The following ZNF69 variants were observed in gnomAD, a reference collection of about 807,000 sequenced individuals.
ZNF69 encodes the protein ZNF3.
In ZNF69, 47 loss-of-function variants were observed where a neutral mutation model predicts 50.9. That is an observed-to-expected ratio of 0.92 (90% CI 0.73 to 1.18). The LOEUF is 1.18. Among genes scored for constraint, ZNF69 ranks in the 50% most tolerant of loss-of-function variants. The probability of loss-of-function intolerance (pLI) is 0.00; values close to 1 mark genes in which losing one functional copy is unlikely to be tolerated. For missense variants in ZNF69, 717 were observed against 675.1 expected (o/e 1.06, Z -0.69); for synonymous variants, 216 against 223.1 (o/e 0.97, Z 0.29).
At chr19:11,899,894 G>A in intron 1 of ZNF69, among the ~76,000 whole-genome samples, 1 of 152,190 alleles carries the variant, frequency 6.6e-6, no homozygotes, top group East Asian at 1.9e-4. Context: ...ATTTGGAAGT[G>A]TCAGTGTTTT....
At chr19:11,949,937 A>G in the ZNF69 span, 2 of 1,614,030 alleles carry the variant, frequency 1.2e-6, no homozygotes, top group Non-Finnish European at 1.7e-6. Context: ...CTTCAGATGC[A>G]TGAAAGGACT....
the ZNF69 span, among the ~76,000 whole-genome samples, chr19:11,946,363 G>C: frequency 2.0e-5 from 3 of 152,032 alleles, no homozygotes; most frequent in Non-Finnish European, 2.9e-5. Flanking sequence ...AGGTAAGGAC[G>C]GGGGGCATTG....
intron 4 of ZNF69, chr19:11,913,393 CTTTT>C: frequency 2.0e-6 from 1 of 505,058 alleles, no homozygotes; most frequent in Non-Finnish European, 3.6e-6. Context: ...TTTTTCTTAT[CTTTT>C]TTTTTTTCCA....
intron 1 of ZNF69, among the ~76,000 whole-genome samples, chr19:11,892,791 C>T (rs1006615452): frequency 1.3e-5 from 2 of 152,146 alleles, no homozygotes; most frequent in Non-Finnish European, 2.9e-5. Flanking sequence ...GATTGCATTG[C>T]TTCAAGATAG....
chr19:11,911,528 A>G (rs1972457750), downstream of ZNF69, among the ~76,000 whole-genome samples: 1 of 152,200 alleles, frequency 6.6e-6, no homozygotes, highest in South Asian at 2.1e-4. Context: ...TTGTAGGGAC[A>G]TGGATGAAGC....
the ZNF69 span, chr19:11,947,649 A>G: frequency 7.5e-7 from 1 of 1,330,566 alleles, no homozygotes; most frequent in Non-Finnish European, 1.1e-6. Context: ...GAAGAGAAGT[A>G]AAACAAAGAA....
intron 3 of ZNF69, among the ~76,000 whole-genome samples, chr19:11,904,264 A>T (rs559797193): frequency 6.6e-6 from 1 of 152,288 alleles, no homozygotes; most frequent in African/African-American, 2.4e-5. Flanking sequence ...TGTGGTCTGT[A>T]GTCCCAGCTA....
chr19:11,908,539 C>T (rs867548147), downstream of ZNF69, among the ~76,000 whole-genome samples: 3 of 152,196 alleles, frequency 2.0e-5, no homozygotes, highest in Non-Finnish European at 4.4e-5. Context: ...CACTCAAATA[C>T]ATGGAAACTG....
At chr19:11,890,321 G>T (rs984377506) in intron 1 of ZNF69, among the ~76,000 whole-genome samples, 1 of 152,204 alleles carries the variant, frequency 6.6e-6, no homozygotes, top group Non-Finnish European at 1.5e-5. Flanking sequence ...TTTCCGCAGT[G>T]CACTGTGCCC....
chr19:11,967,336 C>G, the ZNF69 span, among the ~76,000 whole-genome samples: 1 of 151,950 alleles, frequency 6.6e-6, no homozygotes. Context: ...GACCCCATCT[C>G]AAAAAACAAA....
the ZNF69 span, chr19:11,949,750 G>T: frequency 6.2e-7 from 1 of 1,611,744 alleles, no homozygotes; most frequent in East Asian, 2.2e-5. Flanking sequence ...CTTCAGATCT[G>T]CCTCACACCT....
chr19:11,896,436 A>C (rs1046321844), intron 1 of ZNF69, among the ~76,000 whole-genome samples: 25 of 151,816 alleles, frequency 1.6e-4, no homozygotes, highest in East Asian at 7.7e-4. Context: ...ATAAACATTT[A>C]TTTCTGGCAG....
At chr19:11,888,224 G>C (rs568440950) in intron 1 of ZNF69, among the ~76,000 whole-genome samples, 2 of 152,330 alleles carry the variant, frequency 1.3e-5, no homozygotes, top group South Asian at 4.1e-4. Flanking sequence ...GCCCTCTATG[G>C]GCAGCTCCGC....
chr19:11,965,169 G>A, the ZNF69 span: 1 of 1,613,906 alleles, frequency 6.2e-7, no homozygotes, highest in Non-Finnish European at 8.5e-7. Context: ...GTAGTCACAG[G>A]AGCTGTAGAG....
the ZNF69 span, among the ~76,000 whole-genome samples, chr19:11,931,626 A>G: frequency 6.7e-6 from 1 of 148,362 alleles, no homozygotes; most frequent in African/African-American, 2.6e-5. Context: ...AACAAACTGC[A>G]CTGTAAATTT....
the ZNF69 span, among the ~76,000 whole-genome samples, chr19:11,944,588 C>A: frequency 6.6e-6 from 1 of 152,288 alleles, no homozygotes; most frequent in East Asian, 1.9e-4. Flanking sequence ...GGTTACTTCA[C>A]CAGCTTTCTC....
the ZNF69 span, chr19:11,953,268 T>C: frequency 1.3e-5 from 2 of 152,130 alleles, no homozygotes; most frequent in Non-Finnish European, 1.5e-5. Context: ...ACAGTAACAA[T>C]AGAAGTGCAG....
chr19:11,893,455 C>T (rs1327611109), intron 1 of ZNF69, among the ~76,000 whole-genome samples: 1 of 152,170 alleles, frequency 6.6e-6, no homozygotes, highest in Non-Finnish European at 1.5e-5. Flanking sequence ...TGTGTCTGAA[C>T]ATTTCACATG....
At chr19:11,927,233 A>C in the ZNF69 span, among the ~76,000 whole-genome samples, 1 of 152,040 alleles carries the variant, frequency 6.6e-6, no homozygotes, top group Admixed American at 6.6e-5. Flanking sequence ...CTGCACCTGT[A>C]GTCCCAGGTG....
Sources: gnomAD v4.1 joint callset for allele counts (sites outside exome capture counted in the v4.1 genomes callset) on GRCh38, gnomAD v4.1.1 for gene constraint, MANE v1.5 for transcripts, NCBI Gene and HGNC (gene_info 2026-07-23, HGNC 2026-07-21) for gene names.